Variants in IL17RA observed in about 807,000 individuals in gnomAD.
The protein encoded by IL17RA is interleukin 17 receptor A.
Under a neutral mutation model 50.4 loss-of-function variants are expected in IL17RA, and 34 were observed. That is an observed-to-expected ratio of 0.67 (90% CI 0.51 to 0.90). The LOEUF (loss-of-function observed/expected upper bound fraction) is 0.90. Among genes scored for constraint, IL17RA ranks in the 40% least tolerant of loss-of-function variants. The pLI is 0.00. For synonymous variants in IL17RA, 585 were observed against 510.4 expected (o/e 1.15, Z -1.97); for missense variants, 1,276 against 1,169.8 (o/e 1.09, Z -1.32).
In IL17RA at chr22:17,100,381, G is replaced by T. The variant is rs144211130; in HGVS notation, c.450G>T (p.Val150=). Residue 150 remains valine, a synonymous_variant, in exon 5 of 13, where the codon GTG becomes GTT. Coordinates refer to ENST00000319363, the MANE Select transcript of IL17RA (RefSeq NM_014339.7). ...RRWRFTFSHF[V]VDPDQEYEVT... is the part of the protein sequence containing the mutation. ...GGCGTTTTACCTTCAGCCACTTTGT[G>T]GTTGACCCTGACCAGGAATATGAGG... is the stretch of plus-strand genomic sequence containing the variant. 1 of 1,613,964 alleles carries T rather than the reference G, an allele frequency of 6.2e-7. No homozygotes were observed. The highest frequency in any genetic ancestry group is 1.3e-5 in the African/African-American group (1 of 74,866).
intron 1 of IL17RA, 100 bp from the exon 2 acceptor site, chr22:17,096,962 A>T: frequency 9.6e-7 from 1 of 1,046,556 alleles, no homozygotes; most frequent in Non-Finnish European, 1.5e-6. Context: ...CAGGCTGTGT[A>T]GATGGCATTC....
rs1300159939 is a variant in IL17RA, at chr22:17,085,102, C to A, written c.11C>A (p.Ala4Glu). MGA[A>E]RSPPSAVPGP... ...GACGCCAGCCGGGCCATGGGGGCCG[C>A]ACGCAGCCCGCCGTCCGCTGTCCCG... Residue 4 changes from alanine to glutamate, a missense_variant, in exon 1 of 13, where the codon GCA (alanine) becomes GAA (glutamate). Ala to Glu is a moderately radical substitution (Grantham distance 107). Coordinates refer to ENST00000319363, the MANE Select transcript of IL17RA (RefSeq NM_014339.7). 7.3e-7 allele frequency: 1 copy of A among 1,360,744 alleles called. No homozygotes were observed. Among genetic ancestry groups the A allele is most frequent in the South Asian group, 1.7e-5 (1 of 58,538 alleles). 84.3% of individuals were successfully genotyped at this position (1,360,744 alleles called of 1,614,324 possible).
intron 1 of IL17RA, 22 bp downstream of exon 1, chr22:17,085,251 G>T (rs1433795398): frequency 1.3e-6 from 2 of 1,537,446 alleles, no homozygotes; most frequent in Non-Finnish European, 1.7e-6. Flanking sequence ...CGTGGGGAGC[G>T]GTAGCCGCCA....
rs906398818 is a variant in IL17RA at position 17,114,684 on chromosome 22, A to G, written c.*4864A>G. ...CTGGCCGCCTCTGCTCACCAGTGTCATGGGATTCTCTCAGAAGATGAAAAC... is the reference window on the plus strand; with the variant it reads ...CTGGCCGCCTCTGCTCACCAGTGTCGTGGGATTCTCTCAGAAGATGAAAAC... On this transcript the variant is annotated 3_prime_UTR_variant, in exon 13 of 13. Transcript: ENST00000319363. 2 of 152,174 alleles carry G rather than the reference A, an allele frequency of 1.3e-5. No homozygotes were observed. Among genetic ancestry groups the G allele is most frequent in the Non-Finnish European group, 2.9e-5 (2 of 68,042 alleles). The allele number at this position is 152,174 out of a possible 1,614,324, so 9.4% of individuals were successfully genotyped here. A position where few individuals can be genotyped will look rare whatever the true frequency, so the allele number is the denominator to read the frequency against.
chr22:17,105,706 AG>A, intron 10 of IL17RA, 104 bp downstream of exon 10: 1 of 1,373,678 alleles, frequency 7.3e-7, no homozygotes, highest in Non-Finnish European at 1.0e-6. Flanking sequence ...GGCTGAACCG[AG>A]GCCAGCCCGG....
chr22:17,108,571 C>G lies in IL17RA; in HGVS notation c.1352C>G (p.Thr451Arg), dbSNP rs770068978. The change falls in exon 13 of 13, where the codon ACG (threonine) becomes AGG (arginine). Residue 451 changes from threonine (T) to arginine (R), a missense_variant. Thr to Arg is a moderately conservative substitution (Grantham distance 71). Transcript: ENST00000319363. The stretch of plus-strand genomic sequence containing the variant: ...ATCATCGTCCTGTGCTCCCGCGGCA[C>G]GCGCGCCAAGTGGCAGGCGCTCCTG... Reference protein sequence around the residue: ...SKIIVLCSRGTRAKWQALLGR... With the variant: ...SKIIVLCSRGRRAKWQALLGR... 6.2e-7 allele frequency: 1 copy of G among 1,606,848 alleles called. No individual in the cohort carries two copies. The highest frequency in any genetic ancestry group is 8.5e-7 in the Non-Finnish European group (1 of 1,179,950).
chr22:17,107,011 A>G (rs1207879169), intron 11 of IL17RA, among the ~76,000 whole-genome samples: 3 of 152,040 alleles, frequency 2.0e-5, no homozygotes, highest in Non-Finnish European at 4.4e-5. Flanking sequence ...ATTGAGATTA[A>G]GGTTCTAAGT....
rs2061433796 is a variant in IL17RA at position 17,109,928 on chromosome 22, T to C, written c.*108T>C. 1 of 1,077,296 alleles carries C rather than the reference T, an allele frequency of 9.3e-7. No homozygotes were observed. Among genetic ancestry groups the C allele is most frequent in the African/African-American group, 1.6e-5 (1 of 62,668 alleles). The allele number at this position is 1,077,296 out of a possible 1,614,324, so 66.7% of individuals were successfully genotyped here. Reference sequence around the variant, plus strand: ...CATGTGTATATGTTCGTGTGTGAAATGTAGGCTTTAAAATGTAAATGTCTG... The same window carrying C: ...CATGTGTATATGTTCGTGTGTGAAACGTAGGCTTTAAAATGTAAATGTCTG... On this transcript the variant is annotated 3_prime_UTR_variant, in exon 13 of 13. Coordinates refer to ENST00000319363, the MANE Select transcript of IL17RA (RefSeq NM_014339.7).
Position 17,098,950 on chromosome 22 carries a change from C to T in IL17RA, c.423+63C>T. ...ATGACACCAGTACAGACTTCTTGTC[C>T]CCAAATTCAGACCCTGATTTAGAGT... On this transcript the variant is annotated intron_variant, in intron 4 of 12. Coordinates refer to ENST00000319363, the MANE Select transcript of IL17RA (RefSeq NM_014339.7). 2.2e-6 allele frequency: 3 copies of T among 1,354,626 alleles called. 1 individual carries two copies. In the South Asian group the frequency reaches 3.5e-5, roughly 16 times the overall value. The allele number at this position is 1,354,626 out of a possible 1,614,324, so 83.9% of individuals were successfully genotyped here.
rs886057201 is a variant in IL17RA, at chr22:17,097,832, A to G, written c.199A>G (p.Asn67Asp). 2.0e-5 allele frequency: 32 copies of G among 1,613,946 alleles called. No homozygotes were observed. Among genetic ancestry groups the G allele is most frequent in the Non-Finnish European group, 2.7e-5 (32 of 1,180,012 alleles). Residue 67 changes from asparagine to aspartate, a missense_variant, in exon 3 of 13, where the codon AAC becomes GAC. Physicochemically the swap from Asn to Asp is conservative, Grantham distance 23. Coordinates refer to ENST00000319363, the MANE Select transcript of IL17RA (RefSeq NM_014339.7). ...GGATGACAGCTGGATTCACCCTCGA[A>G]ACCTGACCCCCTCCTCCCCAAAGGA... The part of the protein sequence containing the change: ...CLDDSWIHPR[N>D]LTPSSPKDLQ...
chr22:17,098,361 T>C lies in IL17RA; in HGVS notation c.311-414T>C, dbSNP rs551149072. ...AGTTTATGTTACAGAATTGGGACGA[T>C]TGGGGCTTATGAGCACTAGCCCCAG... On this transcript the variant is annotated intron_variant, in intron 3 of 12. Transcript: ENST00000319363. Among the ~76,000 whole-genome samples, 12 of 152,338 alleles carry C rather than the reference T, an allele frequency of 7.9e-5. No individual in the cohort carries two copies. The South Asian group carries it at 1.7e-3, about 21-fold the overall frequency.
At chr22:17,095,117 A>G (rs375897470) in intron 1 of IL17RA, among the ~76,000 whole-genome samples, 6 of 152,184 alleles carry the variant, frequency 3.9e-5, no homozygotes, top group African/African-American at 1.2e-4. Context: ...AATCCATGCA[A>G]TTCTAAATAA....
rs373598318 is a variant in IL17RA, at chr22:17,109,702, T to A, written c.2483T>A (p.Leu828His). The A allele has an allele frequency of 3.6e-4, 573 of 1,592,748 alleles. No individual in the cohort carries two copies. Among genetic ancestry groups the A allele is most frequent in the Non-Finnish European group, 4.7e-4 (547 of 1,170,624 alleles). ...GACCCAGGGAAGCCGGCCCTGCCAC[T>A]CTCTCCCGAGGACCTGGAGAGCCTG... The part of the protein sequence containing the change: ...EQDPGKPALP[L>H]SPEDLESLRS... The change falls in exon 13 of 13, where the codon CTC becomes CAC. Residue 828 changes from leucine to histidine, a missense_variant. Physicochemically the swap from Leu to His is moderately conservative, Grantham distance 99. Transcript: ENST00000319363.
chr22:17,085,462 G>A (rs2061323946), intron 1 of IL17RA, among the ~76,000 whole-genome samples: 1 of 152,078 alleles, frequency 6.6e-6, no homozygotes, highest in South Asian at 2.1e-4. Context: ...CACATCGCGC[G>A]GCGCGTGTTG....
At chr22:17,105,742 T>A in intron 10 of IL17RA, 111 bp from the exon 11 acceptor site, 1 of 1,380,480 alleles carries the variant, frequency 7.2e-7, no homozygotes, top group Non-Finnish European at 1.0e-6. Context: ...CCATGGTTTG[T>A]CGTGGTGGGG....
chr22:17,104,657 C>T, intron 8 of IL17RA, 69 bp from the exon 9 acceptor site: 2 of 1,393,656 alleles, frequency 1.4e-6, no homozygotes, highest in Non-Finnish European at 1.0e-6. Flanking sequence ...TCTCACATTG[C>T]CGCTGCTGGC....
intron 11 of IL17RA, among the ~76,000 whole-genome samples, chr22:17,107,283 G>T (rs1601348470): frequency 6.6e-6 from 1 of 152,186 alleles, no homozygotes; most frequent in Non-Finnish European, 1.5e-5. Context: ...TCAGTTTGGG[G>T]TGGCCAAATT....
At chr22:17,092,999 C>G (rs866505717) in intron 1 of IL17RA, among the ~76,000 whole-genome samples, 1 of 152,172 alleles carries the variant, frequency 6.6e-6, no homozygotes, top group Non-Finnish European at 1.5e-5. Flanking sequence ...CCCTGTCTTA[C>G]AGATGCAGTG....
chr22:17,108,881 G>A lies in IL17RA; in HGVS notation c.1662G>A (p.Ser554=), dbSNP rs777001954. The A allele has an allele frequency of 8.7e-6, 14 of 1,610,670 alleles. No homozygotes were observed. The highest frequency in any genetic ancestry group is 4.4e-5 in the South Asian group (4 of 90,680). The stretch of plus-strand genomic sequence containing the variant: ...GCATGCACCGCGTAGGGGAGCTGTC[G>A]GGGGACAACTACCTGCGGAGCCCGG... ...PGRMHRVGEL[S]GDNYLRSPGG... is the part of the protein sequence containing the mutation. Residue 554 remains serine (S), a synonymous_variant, in exon 13 of 13, where the codon TCG becomes TCA. Coordinates refer to ENST00000319363, the MANE Select transcript of IL17RA (RefSeq NM_014339.7).
Sources: allele counts gnomAD v4.1 joint callset (sites outside exome capture counted in the v4.1 genomes callset), GRCh38; gene constraint gnomAD v4.1.1; transcripts MANE v1.5; gene names NCBI Gene and HGNC (gene_info 2026-07-23, HGNC 2026-07-21).